The following KIF26B variants were observed in gnomAD, a reference collection of about 807,000 sequenced individuals.
KIF26B encodes kinesin family member 26B, also known as kinesin-like protein KIF26B.
A neutral mutation model predicts 151.2 loss-of-function variants in KIF26B; 63 were observed. The ratio of observed to expected loss-of-function variants is 0.42; its 90% CI spans 0.34 to 0.51. The LOEUF is 0.51. Among genes scored for constraint, KIF26B ranks in the 20% least tolerant of loss-of-function variants. The pLI, the probability that KIF26B is intolerant of heterozygous loss-of-function variation, is 0.07. For missense variants in KIF26B, 2,813 were observed against 2,913.6 expected (o/e 0.97, Z 0.79); for synonymous variants, 1,357 against 1,262.1 (o/e 1.08, Z -1.59).
intron 2 of KIF26B, among the ~76,000 whole-genome samples, chr1:245,230,599 C>T (rs4658449): frequency 0.54 from 82,156 of 151,796 alleles, 24,446 homozygotes; most frequent in Non-Finnish European, 0.67. Context: ...AAAAATCAGC[C>T]GGGCATGGTG....
intron 4 of KIF26B, among the ~76,000 whole-genome samples, chr1:245,427,267 C>G (rs977209096): frequency 6.6e-6 from 1 of 152,178 alleles, no homozygotes; most frequent in African/African-American, 2.4e-5. Context: ...CAACTTGGAA[C>G]AGTTAATGTC....
Position 245,522,030 on chromosome 1 carries a change from C to T in KIF26B, c.1167-18737C>T, listed in dbSNP as rs557367423. On this transcript the variant is annotated intron_variant, in intron 4 of 14. Coordinates refer to ENST00000407071, the MANE Select transcript of KIF26B (RefSeq NM_018012.4). ...GACTACAGGCACCCGCCACCATGCCCGGCTAATTTTTTGTATTTTTAGTAG... is the reference window on the plus strand; with the variant it reads ...GACTACAGGCACCCGCCACCATGCCTGGCTAATTTTTTGTATTTTTAGTAG... Among the ~76,000 whole-genome samples, 814 of 151,658 alleles carry T rather than the reference C, an allele frequency of 5.4e-3. 3 individuals carry two copies. Among genetic ancestry groups the T allele is most frequent in the Non-Finnish European group, 8.0e-3 (545 of 67,742 alleles).
At chr1:245,229,536 G>A (rs534428043) in intron 2 of KIF26B, among the ~76,000 whole-genome samples, 11 of 152,272 alleles carry the variant, frequency 7.2e-5, no homozygotes, top group African/African-American at 2.2e-4. Context: ...CAGGCTGTCC[G>A]TCAGCAGCTG....
intron 2 of KIF26B, among the ~76,000 whole-genome samples, chr1:245,186,889 C>G (rs1023808460): frequency 6.6e-6 from 1 of 151,492 alleles, no homozygotes; most frequent in African/African-American, 2.4e-5. Context: ...CAGAGTCTCT[C>G]TCTGTAGCCC....
intron 5 of KIF26B, among the ~76,000 whole-genome samples, chr1:245,559,099 C>A (rs983273012): frequency 5.9e-5 from 9 of 152,200 alleles, no homozygotes; most frequent in African/African-American, 2.2e-4. Context: ...GTAATCCCAG[C>A]ACTTTAGGAG....
chr1:245,382,730 G>A (rs1158925212), intron 3 of KIF26B, among the ~76,000 whole-genome samples: 4 of 151,594 alleles, frequency 2.6e-5, no homozygotes, highest in Non-Finnish European at 4.4e-5. Flanking sequence ...CACCACGCCC[G>A]GCTAATTTTG....
intron 2 of KIF26B, among the ~76,000 whole-genome samples, chr1:245,161,644 A>T (rs955038567): frequency 2.0e-5 from 3 of 152,192 alleles, no homozygotes; most frequent in African/African-American, 7.2e-5. Flanking sequence ...ACACACACAC[A>T]CATAATCTCA....
intron 2 of KIF26B, among the ~76,000 whole-genome samples, chr1:245,261,943 T>C (rs367856003): frequency 3.3e-5 from 5 of 152,280 alleles, no homozygotes; most frequent in African/African-American, 1.2e-4. Context: ...GAGATACCGA[T>C]GGCCCCTGGA....
intron 2 of KIF26B, among the ~76,000 whole-genome samples, chr1:245,257,993 G>T (rs1670570346): frequency 6.6e-6 from 1 of 152,036 alleles, no homozygotes; most frequent in South Asian, 2.1e-4. Context: ...CTGCACTCCA[G>T]CCTGGTGACA....
rs188622636 is a variant in KIF26B at position 245,278,399 on chromosome 1, A to G, written c.466-88435A>G. ...TTAAGTATACCCTTTATTTTACATCACTTGCCATTTTCAGAACTCCTTTAT... is the reference window on the plus strand; with the variant it reads ...TTAAGTATACCCTTTATTTTACATCGCTTGCCATTTTCAGAACTCCTTTAT... On this transcript the variant is annotated intron_variant, in intron 2 of 14. Coordinates refer to ENST00000407071, the MANE Select transcript of KIF26B (RefSeq NM_018012.4). Among the ~76,000 whole-genome samples, 524 of 152,190 alleles carry G rather than the reference A, an allele frequency of 3.4e-3. 3 individuals carry two copies. The highest frequency in any genetic ancestry group is 0.011 in the African/African-American group (477 of 41,528).
chr1:245,567,568 T>G (rs982180405), intron 5 of KIF26B, among the ~76,000 whole-genome samples: 6 of 152,102 alleles, frequency 3.9e-5, no homozygotes, highest in African/African-American at 1.4e-4. Context: ...TACTCTGGCC[T>G]CCAAAGGCAT....
intron 4 of KIF26B, among the ~76,000 whole-genome samples, chr1:245,427,609 AAAAC>A (rs998130402): frequency 1.4e-4 from 21 of 152,328 alleles, no homozygotes; most frequent in Admixed American, 4.6e-4. Flanking sequence ...ACTCTGTCTC[AAAAC>A]AAACAAACAA....
chr1:245,547,947 GA>G (rs2103107156), intron 5 of KIF26B, among the ~76,000 whole-genome samples: 1 of 152,264 alleles, frequency 6.6e-6, no homozygotes, highest in Non-Finnish European at 1.5e-5. Context: ...TAGAGAAACA[GA>G]ATTTAGCATC....
chr1:245,568,958 G>A (rs1426174248), intron 5 of KIF26B, among the ~76,000 whole-genome samples: 3 of 152,190 alleles, frequency 2.0e-5, no homozygotes, highest in African/African-American at 7.2e-5. Context: ...AGCAGGAGGA[G>A]ATTACAACTA....
intron 5 of KIF26B, among the ~76,000 whole-genome samples, chr1:245,590,445 A>G (rs977493584): frequency 1.3e-5 from 2 of 152,234 alleles, no homozygotes; most frequent in African/African-American, 4.8e-5. Context: ...CTTCTGTGCT[A>G]TTAAATATTT....
intron 2 of KIF26B, among the ~76,000 whole-genome samples, chr1:245,192,457 C>G (rs933968342): frequency 2.6e-5 from 4 of 152,022 alleles, no homozygotes; most frequent in East Asian, 3.8e-4. Flanking sequence ...ACTTTAAAAA[C>G]ATTTTTAATT....
intron 4 of KIF26B, among the ~76,000 whole-genome samples, chr1:245,436,235 G>T (rs1658929333): frequency 6.6e-6 from 1 of 151,222 alleles, no homozygotes; most frequent in Non-Finnish European, 1.5e-5. Flanking sequence ...TATTTTCTTT[G>T]TACACTGAAT....
At chr1:245,399,943 G>A (rs1005047325) in intron 3 of KIF26B, among the ~76,000 whole-genome samples, 36 of 152,088 alleles carry the variant, frequency 2.4e-4, no homozygotes, top group African/African-American at 1.4e-4. Context: ...TCAGAGCTAC[G>A]ATACCAATGT....
At chr1:245,413,072 C>G (rs1449999097) in intron 3 of KIF26B, among the ~76,000 whole-genome samples, 1 of 152,176 alleles carries the variant, frequency 6.6e-6, no homozygotes, top group African/African-American at 2.4e-5. Context: ...GAGCTAAAAA[C>G]AGGTTTCAAT....
Sources: gnomAD v4.1 joint callset for allele counts (sites outside exome capture counted in the v4.1 genomes callset) on GRCh38, gnomAD v4.1.1 for gene constraint, MANE v1.5 for transcripts, NCBI Gene and HGNC (gene_info 2026-07-23, HGNC 2026-07-21) for gene names.